Variants in LINGO2 observed in about 807,000 individuals in gnomAD.
LINGO2 encodes the protein leucine rich repeat and Ig domain containing 2.
In LINGO2, 14 loss-of-function variants were observed where a neutral mutation model predicts 30.6. The observed-to-expected ratio is 0.46, with a 90% CI of 0.30 to 0.72. The LOEUF (loss-of-function observed/expected upper bound fraction) is 0.72, where lower values mean the gene tolerates loss of function less well. Ranked by LOEUF, LINGO2 falls within the 30% of genes least tolerant of loss-of-function variation. The pLI, the probability that LINGO2 is intolerant of heterozygous loss-of-function variation, is 0.07. For missense variants in LINGO2, 729 were observed against 751.7 expected (o/e 0.97, Z 0.35); for synonymous variants, 317 against 288.5 (o/e 1.10, Z -1.00).
chr9:27,990,471 C>CCG (rs1554650619), intron 5 of LINGO2, among the ~76,000 whole-genome samples: 29 of 77,798 alleles, frequency 3.7e-4, no homozygotes, highest in South Asian at 5.6e-4. Context: ...TACCCCCCCC[C>CCG]CTTTTATTTT....
the LINGO2 span, among the ~76,000 whole-genome samples, chr9:29,103,654 T>C: frequency 1.3e-5 from 2 of 152,204 alleles, no homozygotes; most frequent in Admixed American, 6.5e-5. Context: ...ACTTTCTTTC[T>C]TCCCAGTATT....
At chr9:27,955,508 T>C (rs530366317) in intron 5 of LINGO2, among the ~76,000 whole-genome samples, 1 of 152,306 alleles carries the variant, frequency 6.6e-6, no homozygotes, top group South Asian at 2.1e-4. Flanking sequence ...TGATCTGCAT[T>C]GTCACTATAG....
the LINGO2 span, among the ~76,000 whole-genome samples, chr9:29,049,816 G>C: frequency 6.6e-6 from 1 of 152,106 alleles, no homozygotes; most frequent in Non-Finnish European, 1.5e-5. Flanking sequence ...GTAGGGGCTG[G>C]AGGAGAGGTG....
chr9:28,133,006 T>A (rs1827419793), intron 4 of LINGO2, among the ~76,000 whole-genome samples: 1 of 152,204 alleles, frequency 6.6e-6, no homozygotes, highest in Non-Finnish European at 1.5e-5. Context: ...CGTACATTTT[T>A]AACATAAATA....
intron 4 of LINGO2, among the ~76,000 whole-genome samples, chr9:28,047,986 C>T (rs936268730): frequency 1.3e-5 from 2 of 150,288 alleles, no homozygotes; most frequent in African/African-American, 4.9e-5. Flanking sequence ...AAAAGTGTGA[C>T]TGTAATAGAA....
At chr9:28,542,207 C>T (rs1324655117) in intron 1 of LINGO2, among the ~76,000 whole-genome samples, 1 of 151,506 alleles carries the variant, frequency 6.6e-6, no homozygotes, top group African/African-American at 2.4e-5. Flanking sequence ...CTTTTCCACT[C>T]ACTTATCAGG....
chr9:29,060,055 G>A, the LINGO2 span, among the ~76,000 whole-genome samples: 3 of 151,990 alleles, frequency 2.0e-5, no homozygotes, highest in African/African-American at 7.2e-5. Flanking sequence ...ATTGTGGAGA[G>A]GAATCTAAAC....
intron 1 of LINGO2, among the ~76,000 whole-genome samples, chr9:28,492,894 T>C (rs1404149814): frequency 1.3e-5 from 2 of 152,150 alleles, no homozygotes; most frequent in Non-Finnish European, 2.9e-5. Flanking sequence ...ACTTCATCAC[T>C]GAGCAATTAT....
chr9:28,049,775 TGAGGTAG>T lies in LINGO2; in HGVS notation c.-86-37377_-86-37371del, dbSNP rs542759756. Among the ~76,000 whole-genome samples the T allele has an allele frequency of 3.6e-3, 537 of 150,464 alleles. 22 individuals are homozygous for T. The highest frequency in any genetic ancestry group is 0.013 in the African/African-American group (521 of 40,724). On this transcript the variant is annotated intron_variant, in intron 4 of 5. Transcript: ENST00000379992. ...TACTGGAACCAAGTACAAGGTGGGA[TGAGGTAG>T]GAGGTAGGAGACAATCAGATCATGG...
At chr9:28,124,570 T>G (rs1827187656) in intron 4 of LINGO2, among the ~76,000 whole-genome samples, 1 of 152,250 alleles carries the variant, frequency 6.6e-6, no homozygotes, top group Admixed American at 6.5e-5. Flanking sequence ...TTGAATAGTT[T>G]ATGGATGCAC....
chr9:28,700,692 G>A, the LINGO2 span, among the ~76,000 whole-genome samples: 1 of 152,000 alleles, frequency 6.6e-6, no homozygotes, highest in Non-Finnish European at 1.5e-5. Context: ...TGGATTGTAT[G>A]GTAAGATATG....
intron 3 of LINGO2, among the ~76,000 whole-genome samples, chr9:28,361,547 A>C (rs1820445051): frequency 6.6e-6 from 1 of 152,076 alleles, no homozygotes; most frequent in South Asian, 2.1e-4. Context: ...TGCTGGGGCT[A>C]CTACCAGATC....
At chr9:29,203,306 A>G in the LINGO2 span, among the ~76,000 whole-genome samples, 4 of 152,202 alleles carry the variant, frequency 2.6e-5, no homozygotes, top group Admixed American at 2.6e-4. Flanking sequence ...GTAATCTGCT[A>G]CAGACTTCAG....
chr9:28,017,969 T>C (rs866833268), intron 4 of LINGO2, among the ~76,000 whole-genome samples: 1 of 152,128 alleles, frequency 6.6e-6, no homozygotes, highest in Middle Eastern at 3.4e-3. Flanking sequence ...TACAAATCCA[T>C]AGAGTAACCA....
At chr9:28,753,508 G>A in the LINGO2 span, among the ~76,000 whole-genome samples, 39 of 152,024 alleles carry the variant, frequency 2.6e-4, 1 homozygote, top group Admixed American at 5.2e-4. Context: ...TACCTTCCAC[G>A]GCAATTAAGC....
the LINGO2 span, among the ~76,000 whole-genome samples, chr9:28,846,984 A>G: frequency 6.8e-6 from 1 of 147,772 alleles, no homozygotes; most frequent in South Asian, 2.2e-4. Context: ...GAAAAGAACA[A>G]GGCTATACCC....
intron 5 of LINGO2, among the ~76,000 whole-genome samples, chr9:27,956,563 C>T (rs1399028795): frequency 6.6e-6 from 1 of 152,066 alleles, no homozygotes; most frequent in Non-Finnish European, 1.5e-5. Flanking sequence ...TCCATTTTAA[C>T]ATTTTTTTAA....
the LINGO2 span, among the ~76,000 whole-genome samples, chr9:29,180,376 TA>T: frequency 6.6e-6 from 1 of 152,206 alleles, no homozygotes; most frequent in African/African-American, 2.4e-5. Flanking sequence ...GAGGCAAATA[TA>T]TTTTCAAGCT....
rs1010565149 is a variant in LINGO2 at position 28,344,215 on chromosome 9, C to G, written c.-246+28621G>C. 8.6e-5 allele frequency among the ~76,000 whole-genome samples: 13 copies of G among 151,962 alleles called. 1 individual carries two copies. The highest frequency in any genetic ancestry group is 8.5e-4 in the Admixed American group (13 of 15,242). On this transcript the variant is annotated intron_variant, in intron 3 of 5. Transcript: ENST00000379992. ...TTTCATTTAATAACAGAAAAACAAC[C>G]TGGATCTTTTTCTATAAGAATGAGG...
Sources: gnomAD v4.1 joint callset for allele counts (sites outside exome capture counted in the v4.1 genomes callset) on GRCh38, gnomAD v4.1.1 for gene constraint, MANE v1.5 for transcripts, NCBI Gene and HGNC (gene_info 2026-07-23, HGNC 2026-07-21) for gene names.